TMEM132C: variants seen among roughly 807,000 people sequenced by gnomAD.
The protein encoded by TMEM132C is protein phosphatase 1, regulatory subunit 152.
Under a neutral mutation model 61.4 loss-of-function variants are expected in TMEM132C, and 29 were observed. The ratio of observed to expected loss-of-function variants is 0.47; its 90% confidence interval spans 0.35 to 0.64. The LOEUF (loss-of-function observed/expected upper bound fraction) is 0.64, where lower values mean the gene tolerates loss of function less well. Among genes scored for constraint, TMEM132C ranks in the 30% least tolerant of loss-of-function variants. The pLI is 0.00. For synonymous variants in TMEM132C, 656 were observed against 633.1 expected (o/e 1.04, Z -0.54); for missense variants, 1,408 against 1,476.9 (o/e 0.95, Z 0.76).
intron 3 of TMEM132C, among the ~76,000 whole-genome samples, chr12:128,582,006 G>C (rs1875353871): frequency 6.6e-6 from 1 of 152,152 alleles, no homozygotes; most frequent in Admixed American, 6.5e-5. Context: ...CAGACGAGGG[G>C]CCAGATATCA....
In TMEM132C at chr12:128,668,010, T is replaced by C. The variant is rs1306555111; in HGVS notation, c.1306-1407T>C. Reference sequence around the variant, plus strand: ...TGAAGGTGCCAAGCACGGTGGCCCATGCCTGTAATCCCAGCACTTCGGGAG... The same window carrying C: ...TGAAGGTGCCAAGCACGGTGGCCCACGCCTGTAATCCCAGCACTTCGGGAG... On this transcript the variant is annotated intron_variant, in intron 4 of 8. Transcript: ENST00000435159. Among the ~76,000 whole-genome samples, 28 of 152,198 alleles carry C rather than the reference T, an allele frequency of 1.8e-4. 1 individual carries two copies. Among genetic ancestry groups the C allele is most frequent in the Admixed American group, 1.8e-3 (27 of 15,274 alleles).
At chr12:128,306,756 C>G (rs925204616) in intron 1 of TMEM132C, among the ~76,000 whole-genome samples, 2 of 152,078 alleles carry the variant, frequency 1.3e-5, no homozygotes, top group Non-Finnish European at 2.9e-5. Flanking sequence ...TGGATTACTG[C>G]TAGGGTTTTG....
At chr12:128,290,473 T>G (rs1360480133) in intron 1 of TMEM132C, among the ~76,000 whole-genome samples, 2 of 151,400 alleles carry the variant, frequency 1.3e-5, no homozygotes, top group Non-Finnish European at 2.9e-5. Flanking sequence ...TCCCTTGACA[T>G]GTGGAGATTT....
intron 1 of TMEM132C, among the ~76,000 whole-genome samples, chr12:128,343,921 A>G (rs912107279): frequency 1.3e-5 from 2 of 152,196 alleles, no homozygotes; most frequent in Admixed American, 1.3e-4. Context: ...GTGCTTTGTG[A>G]ATTAATTTCA....
intron 1 of TMEM132C, among the ~76,000 whole-genome samples, chr12:128,341,075 G>A (rs141205902): frequency 1.9e-4 from 29 of 152,058 alleles, no homozygotes; most frequent in African/African-American, 7.0e-4. Flanking sequence ...TGAGTAGCTG[G>A]GATTACAGGT....
chr12:128,421,187 A>T (rs575566294), intron 2 of TMEM132C, among the ~76,000 whole-genome samples: 1 of 152,302 alleles, frequency 6.6e-6, no homozygotes, highest in Non-Finnish European at 1.5e-5. Context: ...CATCCATTCT[A>T]GCACTCTGTA....
chr12:128,669,343 C>T, intron 4 of TMEM132C, 74 bp from the exon 5 acceptor site: 1 of 1,499,550 alleles, frequency 6.7e-7, no homozygotes, highest in Non-Finnish European at 9.0e-7. Flanking sequence ...CTGGGAGATT[C>T]CCCCTAGAAT....
At chr12:128,349,617 T>C (rs1873276199) in intron 1 of TMEM132C, among the ~76,000 whole-genome samples, 1 of 152,232 alleles carries the variant, frequency 6.6e-6, no homozygotes, top group Non-Finnish European at 1.5e-5. Context: ...AATTTATTCT[T>C]CTACCAATAC....
intron 1 of TMEM132C, among the ~76,000 whole-genome samples, chr12:128,356,140 G>T (rs1873498399): frequency 6.6e-6 from 1 of 152,200 alleles, no homozygotes; most frequent in East Asian, 1.9e-4. Context: ...TGGATGGTCG[G>T]ATTCTTTCTC....
chr12:128,435,113 T>C (rs1159229321), intron 2 of TMEM132C, among the ~76,000 whole-genome samples: 2 of 152,172 alleles, frequency 1.3e-5, no homozygotes, highest in African/African-American at 4.8e-5. Context: ...ATTGGTAATG[T>C]CACAGGTTAA....
chr12:128,299,835 G>A (rs1254594096), intron 1 of TMEM132C, among the ~76,000 whole-genome samples: 3 of 152,112 alleles, frequency 2.0e-5, no homozygotes, highest in African/African-American at 4.8e-5. Context: ...ACCCCTACAC[G>A]TGATTGCAGG....
At chr12:128,344,931 T>C (rs991880930) in intron 1 of TMEM132C, among the ~76,000 whole-genome samples, 3 of 151,260 alleles carry the variant, frequency 2.0e-5, no homozygotes, top group Non-Finnish European at 4.4e-5. Context: ...GTTTCTTTTT[T>C]TTTTTTTTTT....
intron 1 of TMEM132C, among the ~76,000 whole-genome samples, chr12:128,348,392 C>A (rs1873237811): frequency 6.6e-6 from 1 of 152,160 alleles, no homozygotes; most frequent in Non-Finnish European, 1.5e-5. Context: ...GGTTTTATTT[C>A]TTCCTTTCTA....
chr12:128,517,269 C>T (rs79314708), intron 2 of TMEM132C, among the ~76,000 whole-genome samples: 15 of 90,898 alleles, frequency 1.7e-4, no homozygotes, highest in East Asian at 3.2e-4. Context: ...AATAAATAAA[C>T]AAACAAATAT....
intron 3 of TMEM132C, among the ~76,000 whole-genome samples, chr12:128,562,221 G>A (rs961296923): frequency 7.9e-5 from 12 of 152,302 alleles, no homozygotes; most frequent in African/African-American, 2.9e-4. Flanking sequence ...AATATTTGAG[G>A]TTGTGGTTCA....
chr12:128,342,406 A>G (rs1205275529), intron 1 of TMEM132C, among the ~76,000 whole-genome samples: 1 of 152,206 alleles, frequency 6.6e-6, no homozygotes, highest in Non-Finnish European at 1.5e-5. Context: ...TTCTAATACC[A>G]CTGTACAAAA....
At chr12:128,522,695 A>G (rs560188176) in intron 2 of TMEM132C, among the ~76,000 whole-genome samples, 85 of 152,296 alleles carry the variant, frequency 5.6e-4, no homozygotes, top group African/African-American at 1.8e-3. Flanking sequence ...GATTTGTTTC[A>G]TGTCTATCCA....
intron 4 of TMEM132C, among the ~76,000 whole-genome samples, chr12:128,648,948 T>G (rs1391636703): frequency 6.7e-6 from 1 of 150,316 alleles, no homozygotes; most frequent in Non-Finnish European, 1.5e-5. Context: ...TTTACTGGAG[T>G]CCATCAGCGT....
rs1359402190 is a variant in TMEM132C at position 128,427,428 on chromosome 12, G to GTGTGTGTGTGTGTA, written c.974+11809_974+11810insGTGTGTGTGTGTAT. 3.3e-3 allele frequency among the ~76,000 whole-genome samples: 420 copies of GTGTGTGTGTGTGTA among 129,222 alleles called. 2 individuals are homozygous for GTGTGTGTGTGTGTA. The highest frequency in any genetic ancestry group is 8.2e-3 in the Middle Eastern group (2 of 244). 84.8% of individuals were successfully genotyped at this position (129,222 alleles called of 152,430 possible). On this transcript the variant is annotated intron_variant, in intron 2 of 8. Transcript: ENST00000435159. The stretch of plus-strand genomic sequence containing the variant: ...TGTGTGTGTGTGTGTGTGTGTGTGT[G>GTGTGTGTGTGTGTA]TATATATATTTAAGGAGGGTGGTGG...
Sources: allele counts gnomAD v4.1 joint callset (sites outside exome capture counted in the v4.1 genomes callset), GRCh38; gene constraint gnomAD v4.1.1; transcripts MANE v1.5; gene names NCBI Gene and HGNC (gene_info 2026-07-23, HGNC 2026-07-21).